The following CPXM1 variants were observed in gnomAD, a reference collection of about 807,000 sequenced individuals.
CPXM1 encodes probable carboxypeptidase X1.
In CPXM1, 72 loss-of-function variants were observed where a neutral mutation model predicts 80.4. The observed-to-expected ratio is 0.90, with a 90% CI of 0.74 to 1.09. CPXM1 has a LOEUF of 1.09. Ranked by LOEUF, CPXM1 falls within the 50% of genes least tolerant of loss-of-function variation. The pLI is 0.00. For synonymous variants in CPXM1, 403 were observed against 405.6 expected, an observed-to-expected ratio of 0.99 and a Z score of 0.08; for missense variants, 892 against 999.4, an observed-to-expected ratio of 0.89 and a Z score of 1.45.
In CPXM1 at chr20:2,794,861, C is replaced by G. The variant is rs2088488619; in HGVS notation, c.1861-222G>C. ...ATACCTGGTAGGAAGGCTTATCTAT[C>G]CTTGGGCTTTCCCAGGTTATTGGGC... is the stretch of plus-strand genomic sequence containing the variant. On this transcript the variant is annotated intron_variant, in intron 12 of 13. Coordinates refer to ENST00000380605, the MANE Select transcript of CPXM1 (RefSeq NM_019609.5). The surrounding 1 kb of genome is among the most constrained non-coding windows in gnomAD (Gnocchi z 5.2). 6.6e-6 allele frequency among the ~76,000 whole-genome samples: 1 copy of G among 152,134 alleles called. No individual in the cohort carries two copies. The highest frequency in any genetic ancestry group is 1.9e-4 in the East Asian group (1 of 5,198).
rs369918238 is a variant in CPXM1, at chr20:2,797,999, C to T, written c.650G>A (p.Gly217Glu). Residue 217 changes from glycine to glutamate, a missense_variant, in exon 5 of 14, where the codon GGA becomes GAA. Transcript: ENST00000380605. ...QFSNDSRTWW[G>E]SRNHSSGMDA... The stretch of plus-strand genomic sequence containing the variant: ...CATCCCACTGCTGTGGTTCCTACTT[C>T]CCCACCAGGTCCGACTGTCATTGCT... The T allele has an allele frequency of 1.2e-5, 19 of 1,614,190 alleles. No individual in the cohort carries two copies. Among genetic ancestry groups the T allele is most frequent in the Non-Finnish European group, 1.6e-5 (19 of 1,180,020 alleles).
At chr20:2,799,983 T>C (rs1266998384) in intron 1 of CPXM1, among the ~76,000 whole-genome samples, 1 of 152,178 alleles carries the variant, frequency 6.6e-6, no homozygotes, top group East Asian at 1.9e-4. Context: ...AGCATCCCAC[T>C]GGCGCCTGTC....
rs1417058513 is a variant in CPXM1, at chr20:2,794,898, A to G, written c.1861-259T>C. On this transcript the variant is annotated intron_variant, in intron 12 of 13. Coordinates refer to ENST00000380605, the MANE Select transcript of CPXM1 (RefSeq NM_019609.5). This position sits in a 1 kb window ranked among gnomAD's most constrained non-coding sequence, Gnocchi z 5.2. ...CCAGGTTATTGGGCTTGTCTTTGGT[A>G]GACCCTTTGGAAGCTCTGCTTATGG... 6.6e-6 allele frequency among the ~76,000 whole-genome samples: 1 copy of G among 152,144 alleles called. No individual in the cohort carries two copies.
rs779587319 is a variant in CPXM1, at chr20:2,794,323, T to C, written c.2072A>G (p.Glu691Gly). 1 of 1,614,132 alleles carries C rather than the reference T, an allele frequency of 6.2e-7. No homozygotes were observed. Among genetic ancestry groups the C allele is most frequent in the Non-Finnish European group, 8.5e-7 (1 of 1,180,028 alleles). ...CACGAAATTGCAGGGGAAGGGGCCCTCTTCAAAGGTGACCCGACAGTTCCG... is the reference window on the plus strand; with the variant it reads ...CACGAAATTGCAGGGGAAGGGGCCCCCTTCAAAGGTGACCCGACAGTTCCG... ...VTRNCRVTFE[E>G]GPFPCNFVLT... Residue 691 changes from glutamate (E) to glycine (G), a missense_variant, in exon 14 of 14, where the codon GAG (glutamate) becomes GGG (glycine). Glu to Gly is a moderately conservative substitution (Grantham distance 98). Around this residue, in one of 2 missense-constraint regions of CPXM1, gnomAD observed 874 missense variants for 958.4 expected, o/e 0.91. Coordinates refer to ENST00000380605, the MANE Select transcript of CPXM1 (RefSeq NM_019609.5). This position sits in a 1 kb window ranked among gnomAD's most constrained non-coding sequence, Gnocchi z 5.2.
chr20:2,797,986 G>A lies in CPXM1; in HGVS notation c.663C>T (p.His221=). 6.2e-7 allele frequency: 1 copy of A among 1,614,074 alleles called. No individual in the cohort carries two copies. The highest frequency in any genetic ancestry group is 8.5e-7 in the Non-Finnish European group (1 of 1,179,908). Residue 221 remains histidine (H), a synonymous_variant, in exon 5 of 14, where the codon CAC becomes CAT. Transcript: ENST00000380605. The part of the protein sequence containing the change: ...DSRTWWGSRN[H]SSGMDAVFPA... ...CACTCACTGCGTCCATCCCACTGCT[G>A]TGGTTCCTACTTCCCCACCAGGTCC...
intron 5 of CPXM1, 40 bp downstream of exon 5, chr20:2,797,928 C>A: frequency 1.3e-6 from 2 of 1,584,668 alleles, no homozygotes. Context: ...GGGTGCCCAA[C>A]TCCCAGCATG....
rs113052252 is a variant in CPXM1, at chr20:2,794,547, G to A, written c.1953C>T (p.Asp651=). The stretch of plus-strand genomic sequence containing the variant: ...CCCGGTCAAACACACCCGTGGTCAC[G>A]TCATGGTTAATCCCATCCACGGCAA... The part of the protein sequence containing the change: ...AVIAVDGINH[D]VTTAWGGDYW... The change falls in exon 13 of 14, where the codon GAC becomes GAT. Residue 651 remains aspartate (D), a synonymous_variant. Coordinates refer to ENST00000380605, the MANE Select transcript of CPXM1 (RefSeq NM_019609.5). This position sits in a 1 kb window ranked among gnomAD's most constrained non-coding sequence, Gnocchi z 5.2. 2.7e-4 allele frequency: 430 copies of A among 1,613,940 alleles called. 4 individuals are homozygous for A. In the African/African-American group the frequency reaches 4.4e-3, roughly 17 times the overall value.
chr20:2,796,455 T>C lies in CPXM1; in HGVS notation c.1046-12A>G, dbSNP rs372839676. The C allele has an allele frequency of 5.6e-5, 90 of 1,613,644 alleles. No individual in the cohort carries two copies. The highest frequency in any genetic ancestry group is 7.0e-5 in the Non-Finnish European group (82 of 1,179,724). On this transcript the variant is annotated splice_polypyrimidine_tract_variant and intron_variant, in intron 8 of 13. Coordinates refer to ENST00000380605, the MANE Select transcript of CPXM1 (RefSeq NM_019609.5). This position sits in a 1 kb window ranked among gnomAD's most constrained non-coding sequence, Gnocchi z 6.8. ...CACCTCAGGCTCCCCTGGGGACACA[T>C]GGGGGCTTGCAGCGGGTTCATGCCT...
Position 2,795,979 on chromosome 20 carries a change from C to T in CPXM1, c.1422+3G>A, listed in dbSNP as rs368108932. ...CCTCCACTGCCGCCCTCAAAATACTCACGGTGGCATTGGGCAGGGTGTAGT... is the reference window on the plus strand; with the variant it reads ...CCTCCACTGCCGCCCTCAAAATACTTACGGTGGCATTGGGCAGGGTGTAGT... On this transcript the variant is annotated splice_donor_region_variant and intron_variant, in intron 10 of 13. Coordinates refer to ENST00000380605, the MANE Select transcript of CPXM1 (RefSeq NM_019609.5). This position sits in a 1 kb window ranked among gnomAD's most constrained non-coding sequence, Gnocchi z 5.4. 3 of 1,604,416 alleles carry T rather than the reference C, an allele frequency of 1.9e-6. No homozygotes were observed. The African/African-American group carries it at 4.0e-5, about 21-fold the overall frequency.
At position 2,794,936 on chromosome 20, in the gene CPXM1, G is replaced by C. The variant is rs547639569; in HGVS notation, c.1861-297C>G. Among the ~76,000 whole-genome samples, 13 of 152,300 alleles carry C rather than the reference G, an allele frequency of 8.5e-5. No homozygotes were observed. In the South Asian group the frequency reaches 2.7e-3, roughly 32 times the overall value. On this transcript the variant is annotated intron_variant, in intron 12 of 13. Transcript: ENST00000380605. This position sits in a 1 kb window ranked among gnomAD's most constrained non-coding sequence, Gnocchi z 5.2. ...GCTCTGCTTATGGAGCTATTACAAG[G>C]GTTATGAGCTCCATGGAACATGAAG...
rs748946318 is a variant in CPXM1 at position 2,795,466 on chromosome 20, T to C, written c.1721-50A>G. The C allele has an allele frequency of 5.0e-6, 8 of 1,599,160 alleles. No homozygotes were observed. In the South Asian group the frequency reaches 8.9e-5, roughly 18 times the overall value. On this transcript the variant is annotated intron_variant, in intron 11 of 13. Coordinates refer to ENST00000380605, the MANE Select transcript of CPXM1 (RefSeq NM_019609.5). This position sits in a 1 kb window ranked among gnomAD's most constrained non-coding sequence, Gnocchi z 5.4. The stretch of plus-strand genomic sequence containing the variant: ...CCTAAGCAGGCGGGATGCGGTCCCA[T>C]CCTCCCGCTACCCTCCCTTCTCTGA...
chr20:2,796,736 G>C lies in CPXM1; in HGVS notation c.922-86C>G, dbSNP rs1424672851. ...CATGTGCCATGGAAAGACTTAAAAA[G>C]TCAGCGATGGCCCACACAGAGGGGG... is the stretch of plus-strand genomic sequence containing the variant. On this transcript the variant is annotated intron_variant, in intron 7 of 13. Coordinates refer to ENST00000380605, the MANE Select transcript of CPXM1 (RefSeq NM_019609.5). This position sits in a 1 kb window ranked among gnomAD's most constrained non-coding sequence, Gnocchi z 6.8. The C allele has an allele frequency of 1.9e-6, 3 of 1,548,560 alleles. No individual in the cohort carries two copies. The highest frequency in any genetic ancestry group is 1.4e-5 in the African/African-American group (1 of 74,000).
In CPXM1 at chr20:2,796,212, GAA is replaced by G. The variant is rs1336801337; in HGVS notation, c.1242+33_1242+34del. 1.2e-6 allele frequency: 2 copies of G among 1,610,494 alleles called. No homozygotes were observed. Among genetic ancestry groups the G allele is most frequent in the Admixed American group, 3.3e-5 (2 of 59,852 alleles). On this transcript the variant is annotated intron_variant, in intron 9 of 13. Transcript: ENST00000380605. The surrounding 1 kb of genome is among the most constrained non-coding windows in gnomAD (Gnocchi z 6.8). ...TCGAGCAGGTCCAGCCACCAGGGCAGAAGGACAGAGTGGCCCTCATGCTGGGT... is the reference window on the plus strand; with the variant it reads ...TCGAGCAGGTCCAGCCACCAGGGCAGGGACAGAGTGGCCCTCATGCTGGGT...
At chr20:2,798,954 G>T (rs933208789) in intron 1 of CPXM1, 61 bp from the exon 2 acceptor site, 3 of 1,545,942 alleles carry the variant, frequency 1.9e-6, no homozygotes, top group South Asian at 1.2e-5. Flanking sequence ...CGGATGGAAA[G>T]GTCTGCCAGC....
rs755133941 is a variant in CPXM1, at chr20:2,796,338, C to T, written c.1151G>A (p.Gly384Glu). The T allele has an allele frequency of 1.4e-5, 23 of 1,613,918 alleles. No homozygotes were observed. The highest frequency in any genetic ancestry group is 1.9e-5 in the Non-Finnish European group (22 of 1,180,000). The change falls in exon 9 of 14, where the codon GGG becomes GAG. Residue 384 changes from glycine (G) to glutamate (E), a missense_variant. Coordinates refer to ENST00000380605, the MANE Select transcript of CPXM1 (RefSeq NM_019609.5). This position sits in a 1 kb window ranked among gnomAD's most constrained non-coding sequence, Gnocchi z 6.8. ...MQFLCHEFLR[G>E]NPRVTRLLSE... Reference sequence around the variant, plus strand: ...GAGCAGCCGGGTCACCCGTGGGTTCCCTCGCAGGAACTCATGGCACAGGAA... The same window carrying T: ...GAGCAGCCGGGTCACCCGTGGGTTCTCTCGCAGGAACTCATGGCACAGGAA...
chr20:2,800,240 TGTGTGCGCGTGAGTGCGA>T (rs2088555699), intron 1 of CPXM1, among the ~76,000 whole-genome samples, 143 bp downstream of exon 1: 1 of 151,244 alleles, frequency 6.6e-6, no homozygotes, highest in Non-Finnish European at 1.5e-5. Flanking sequence ...TGCGCGCGCG[TGTGTGCGCGTGAGTGCGA>T]GTGTGCGTGC....
chr20:2,796,704 C>G lies in CPXM1; in HGVS notation c.922-54G>C. On this transcript the variant is annotated intron_variant, in intron 7 of 13. Coordinates refer to ENST00000380605, the MANE Select transcript of CPXM1 (RefSeq NM_019609.5). This position sits in a 1 kb window ranked among gnomAD's most constrained non-coding sequence, Gnocchi z 6.8. Reference sequence around the variant, plus strand: ...GGCATGGGAGGGGTACACCCAGGGGCAGATCACATGTGCCATGGAAAGACT... The same window carrying G: ...GGCATGGGAGGGGTACACCCAGGGGGAGATCACATGTGCCATGGAAAGACT... 6.2e-7 allele frequency: 1 copy of G among 1,602,040 alleles called. No homozygotes were observed. The highest frequency in any genetic ancestry group is 8.5e-7 in the Non-Finnish European group (1 of 1,173,130).
Position 2,794,630 on chromosome 20 carries a change from C to T in CPXM1, c.1870G>A (p.Gly624Ser). ...LLTYLEQVRM[G>S]IAGVVRDKDT... ...TTGTCCCTCACCACTCCTGCAATGCCCATGCGCACCTGTGTGGGAAGAGGT... is the reference window on the plus strand; with the variant it reads ...TTGTCCCTCACCACTCCTGCAATGCTCATGCGCACCTGTGTGGGAAGAGGT... The change falls in exon 13 of 14, where the codon GGC becomes AGC. Residue 624 changes from glycine (G) to serine (S), a missense_variant. Coordinates refer to ENST00000380605, the MANE Select transcript of CPXM1 (RefSeq NM_019609.5). The surrounding 1 kb of genome is among the most constrained non-coding windows in gnomAD (Gnocchi z 5.2). 6.2e-7 allele frequency: 1 copy of T among 1,611,184 alleles called. No individual in the cohort carries two copies. Among genetic ancestry groups the T allele is most frequent in the Non-Finnish European group, 8.5e-7 (1 of 1,179,492 alleles).
intron 1 of CPXM1, 55 bp from the exon 2 acceptor site, chr20:2,798,948 T>A (rs935416226): frequency 6.4e-7 from 1 of 1,558,164 alleles, no homozygotes; most frequent in Non-Finnish European, 8.7e-7. Context: ...AAACCCCGGA[T>A]GGAAAGGTCT....
Sources: allele counts gnomAD v4.1 joint callset (sites outside exome capture counted in the v4.1 genomes callset), GRCh38; gene constraint gnomAD v4.1.1; regional missense constraint gnomAD v4.1.1; non-coding constraint Gnocchi (gnomAD v3.1); transcripts MANE v1.5; gene names NCBI Gene and HGNC (gene_info 2026-07-23, HGNC 2026-07-21).